Variants in CTNNA3 observed in about 807,000 individuals in gnomAD.
The protein encoded by CTNNA3 is catenin alpha-3.
A neutral mutation model predicts 95.7 loss-of-function variants in CTNNA3; 76 were observed. The observed-to-expected ratio is 0.79, with a 90% CI of 0.66 to 0.96. The LOEUF (loss-of-function observed/expected upper bound fraction) is 0.96, where lower values mean the gene tolerates loss of function less well. Ranked by LOEUF, CTNNA3 falls within the 40% of genes least tolerant of loss-of-function variation. The probability of loss-of-function intolerance (pLI) is 0.00; values close to 1 mark genes in which losing one functional copy is unlikely to be tolerated. For missense variants in CTNNA3, 1,191 were observed against 1,089.8 expected (o/e 1.09, Z -1.31); for synonymous variants, 431 against 374.4 (o/e 1.15, Z -1.74).
chr10:66,776,074 G>T (rs1448128693), intron 7 of CTNNA3, among the ~76,000 whole-genome samples: 3 of 152,116 alleles, frequency 2.0e-5, no homozygotes, highest in Admixed American at 2.0e-4. Flanking sequence ...GCTGTTTTTG[G>T]CTCTTTAAGA....
chr10:67,397,859 C>T (rs1239495147), intron 5 of CTNNA3, among the ~76,000 whole-genome samples: 1 of 152,224 alleles, frequency 6.6e-6, no homozygotes, highest in African/African-American at 2.4e-5. Flanking sequence ...AGGGTGCAAG[C>T]CCCAAGCCTT....
chr10:66,055,921 C>CA (rs386371652), intron 15 of CTNNA3, among the ~76,000 whole-genome samples: 8,227 of 59,558 alleles, frequency 0.14, 902 homozygotes, highest in African/African-American at 0.32. Flanking sequence ...GACTCCATCT[C>CA]AAAAAAAAAA....
At chr10:67,475,392 C>A (rs74142819) in intron 5 of CTNNA3, among the ~76,000 whole-genome samples, 1 of 152,012 alleles carries the variant, frequency 6.6e-6, no homozygotes, top group Non-Finnish European at 1.5e-5. Context: ...ATAAAACAAA[C>A]AGTTAATTTT....
intron 13 of CTNNA3, among the ~76,000 whole-genome samples, chr10:66,182,458 T>C (rs1030271064): frequency 9.9e-5 from 15 of 152,094 alleles, no homozygotes; most frequent in Non-Finnish European, 2.2e-4. Context: ...GGTTTCACCA[T>C]GTTAGCCAGG....
At chr10:66,770,587 CT>C (rs1306302305) in intron 8 of CTNNA3, among the ~76,000 whole-genome samples, 1 of 152,078 alleles carries the variant, frequency 6.6e-6, no homozygotes, top group Non-Finnish European at 1.5e-5. Flanking sequence ...ATCAATTTTT[CT>C]ATTTCCTACT....
At chr10:66,653,055 A>C (rs1845963809) in intron 9 of CTNNA3, among the ~76,000 whole-genome samples, 1 of 152,194 alleles carries the variant, frequency 6.6e-6, no homozygotes, top group Admixed American at 6.5e-5. Context: ...AAGATTAGGA[A>C]TAAGACAAGG....
intron 7 of CTNNA3, among the ~76,000 whole-genome samples, chr10:67,006,926 T>C (rs1375965287): frequency 2.6e-5 from 4 of 152,122 alleles, no homozygotes; most frequent in Non-Finnish European, 5.9e-5. Flanking sequence ...CCCAAGTAGC[T>C]GGGATTACAG....
At chr10:67,354,785 C>A (rs886103462) in intron 5 of CTNNA3, among the ~76,000 whole-genome samples, 1 of 151,880 alleles carries the variant, frequency 6.6e-6, no homozygotes, top group African/African-American at 2.4e-5. Context: ...TGAATACTAA[C>A]AACAATGGGT....
intron 10 of CTNNA3, among the ~76,000 whole-genome samples, chr10:66,539,021 T>C (rs1841754461): frequency 6.6e-6 from 1 of 152,188 alleles, no homozygotes; most frequent in Non-Finnish European, 1.5e-5. Flanking sequence ...TAAATGACTA[T>C]TGTTGTCATC....
chr10:66,554,652 T>C (rs909498097), intron 10 of CTNNA3, among the ~76,000 whole-genome samples: 8 of 152,176 alleles, frequency 5.3e-5, no homozygotes, highest in Admixed American at 2.6e-4. Flanking sequence ...GTTATCATTT[T>C]CAGCTATTTT....
At chr10:66,465,486 AG>A (rs1443071065) in intron 11 of CTNNA3, among the ~76,000 whole-genome samples, 1 of 152,178 alleles carries the variant, frequency 6.6e-6, no homozygotes, top group East Asian at 1.9e-4. Flanking sequence ...GATACATTGC[AG>A]TGAGAATCTG....
intron 1 of CTNNA3, among the ~76,000 whole-genome samples, chr10:67,713,784 G>A (rs527518857): frequency 1.2e-4 from 19 of 152,186 alleles, no homozygotes; most frequent in South Asian, 8.3e-4. Flanking sequence ...GGTGCCTGTC[G>A]GGGGATGGGA....
intron 7 of CTNNA3, among the ~76,000 whole-genome samples, chr10:67,011,338 CAAAA>C (rs764795305): frequency 1.6e-5 from 1 of 62,370 alleles, no homozygotes; most frequent in Non-Finnish European, 3.4e-5. Flanking sequence ...AAGTCTGTCT[CAAAA>C]AAAAAAAAAA....
At chr10:67,657,979 A>G (rs1277148163) in intron 1 of CTNNA3, among the ~76,000 whole-genome samples, 1 of 152,080 alleles carries the variant, frequency 6.6e-6, no homozygotes, top group Admixed American at 6.6e-5. Flanking sequence ...GCTAGATTTC[A>G]TCTCCACTCA....
intron 3 of CTNNA3, among the ~76,000 whole-genome samples, chr10:67,585,610 TG>T (rs1450726287): frequency 2.0e-5 from 3 of 152,152 alleles, no homozygotes; most frequent in Non-Finnish European, 4.4e-5. Context: ...GGTTTTCTAG[TG>T]TGTGAGTATA....
rs192411725 is a variant in CTNNA3, at chr10:66,716,348, A to C, written c.1281+49916T>G. Among the ~76,000 whole-genome samples the C allele has an allele frequency of 2.6e-5, 4 of 152,262 alleles. No homozygotes were observed. In the East Asian group the frequency reaches 5.8e-4, roughly 22 times the overall value. On this transcript the variant is annotated intron_variant, in intron 9 of 17. Transcript: ENST00000433211. ...TTCCACAAGGAAGAATTTGAAAATAATTTATGTATATTTTCTCTATAGTGC... is the reference window on the plus strand; with the variant it reads ...TTCCACAAGGAAGAATTTGAAAATACTTTATGTATATTTTCTCTATAGTGC...
At chr10:67,339,908 C>T (rs903520384) in intron 5 of CTNNA3, among the ~76,000 whole-genome samples, 5 of 152,066 alleles carry the variant, frequency 3.3e-5, no homozygotes, top group African/African-American at 4.8e-5. Flanking sequence ...TGCCAATATA[C>T]GACCAAAAAT....
chr10:67,585,881 G>A (rs927208021), intron 3 of CTNNA3, among the ~76,000 whole-genome samples: 1 of 151,568 alleles, frequency 6.6e-6, no homozygotes, highest in African/African-American at 2.4e-5. Flanking sequence ...GGTTTTGTTT[G>A]TTTTTACTTT....
chr10:66,939,157 A>G (rs1847872162), intron 7 of CTNNA3, among the ~76,000 whole-genome samples: 1 of 152,176 alleles, frequency 6.6e-6, no homozygotes, highest in South Asian at 2.1e-4. Context: ...GAAGCTGACA[A>G]GTAGTAATGC....
Sources: allele counts gnomAD v4.1 joint callset (sites outside exome capture counted in the v4.1 genomes callset), GRCh38; gene constraint gnomAD v4.1.1; transcripts MANE v1.5; gene names NCBI Gene and HGNC (gene_info 2026-07-23, HGNC 2026-07-21).